Variants in ADGRB3 observed in about 807,000 individuals in gnomAD.
The protein encoded by ADGRB3 is adhesion G protein-coupled receptor B3.
Under a neutral mutation model 193.4 loss-of-function variants are expected in ADGRB3, and 37 were observed. The ratio of observed to expected loss-of-function variants is 0.19; its 90% CI spans 0.15 to 0.25. The LOEUF (loss-of-function observed/expected upper bound fraction) is 0.25. Ranked by LOEUF, ADGRB3 falls within the 10% of genes least tolerant of loss-of-function variation. ADGRB3 has a pLI of 1.00. For missense variants in ADGRB3, 1,637 were observed against 1,852.9 expected (o/e 0.88, Z 2.14); for synonymous variants, 690 against 644.2 (o/e 1.07, Z -1.08).
chr6:69,129,498 C>A (rs559847007), intron 17 of ADGRB3, among the ~76,000 whole-genome samples: 1 of 152,080 alleles, frequency 6.6e-6, no homozygotes, highest in East Asian at 1.9e-4. Context: ...AACATAAGAA[C>A]ATTGGAAGAA....
At position 68,763,865 on chromosome 6, in the gene ADGRB3, G is replaced by A. The variant is rs556433819; in HGVS notation, c.757+124433G>A. Among the ~76,000 whole-genome samples, 6 of 152,268 alleles carry A rather than the reference G, an allele frequency of 3.9e-5. No homozygotes were observed. The South Asian group carries it at 1.2e-3, about 32-fold the overall frequency. On this transcript the variant is annotated intron_variant, in intron 3 of 31. Transcript: ENST00000370598. ...AGGCAGGCTGATTGCTTGAGCCCAG[G>A]AGCTCAAGGCCAGCCTGGGCAACAT...
chr6:68,812,266 T>C (rs761046612), intron 3 of ADGRB3, among the ~76,000 whole-genome samples: 10 of 152,162 alleles, frequency 6.6e-5, no homozygotes, highest in Admixed American at 2.0e-4. Flanking sequence ...CTGTAGGTGG[T>C]AGAGAGGTGA....
intron 20 of ADGRB3, among the ~76,000 whole-genome samples, chr6:69,256,186 G>T (rs1766765670): frequency 6.6e-6 from 1 of 151,280 alleles, no homozygotes; most frequent in Non-Finnish European, 1.5e-5. Context: ...GGCGATGCGG[G>T]CTCTTTTTTG....
chr6:69,343,141 AT>A (rs66623862), intron 26 of ADGRB3, among the ~76,000 whole-genome samples: 83,404 of 147,058 alleles, frequency 0.57, 24,162 homozygotes, highest in Middle Eastern at 0.71. Context: ...AATTTATTTT[AT>A]TTTTTTTATT....
At chr6:68,761,032 A>G (rs1766385820) in intron 3 of ADGRB3, among the ~76,000 whole-genome samples, 1 of 152,178 alleles carries the variant, frequency 6.6e-6, no homozygotes, top group Non-Finnish European at 1.5e-5. Context: ...ATGCTGGAAA[A>G]ATTAAGTTGA....
intron 15 of ADGRB3, among the ~76,000 whole-genome samples, chr6:69,060,432 C>T (rs1771715128): frequency 6.6e-6 from 1 of 151,998 alleles, no homozygotes; most frequent in Non-Finnish European, 1.5e-5. Context: ...CCAAAGTCTC[C>T]ACATTCCCAA....
intron 6 of ADGRB3, among the ~76,000 whole-genome samples, chr6:68,944,389 A>T (rs565653024): frequency 6.6e-6 from 1 of 152,210 alleles, no homozygotes; most frequent in African/African-American, 2.4e-5. Flanking sequence ...TCTTACACTT[A>T]TTCAATTAGG....
At chr6:69,314,638 C>A (rs1300408941) in intron 20 of ADGRB3, among the ~76,000 whole-genome samples, 1 of 151,524 alleles carries the variant, frequency 6.6e-6, no homozygotes, top group Non-Finnish European at 1.5e-5. Context: ...TAAAATCCAT[C>A]ATATCTTTTC....
chr6:69,141,211 C>T (rs1482546485), intron 17 of ADGRB3, among the ~76,000 whole-genome samples: 3 of 151,744 alleles, frequency 2.0e-5, no homozygotes, highest in Non-Finnish European at 4.4e-5. Flanking sequence ...GCAAGCTCCG[C>T]CTCCTGGGTT....
intron 3 of ADGRB3, among the ~76,000 whole-genome samples, chr6:68,648,270 A>G (rs558850584): frequency 5.3e-5 from 8 of 152,252 alleles, no homozygotes; most frequent in Non-Finnish European, 8.8e-5. Context: ...GCTGATGTGC[A>G]TTTTTCCTAT....
At chr6:68,998,690 A>T (rs1008061034) in intron 11 of ADGRB3, among the ~76,000 whole-genome samples, 1 of 152,240 alleles carries the variant, frequency 6.6e-6, no homozygotes, top group Non-Finnish European at 1.5e-5. Context: ...GCCAAAACTG[A>T]AATAGATCAG....
At chr6:68,822,740 T>C (rs903197534) in intron 3 of ADGRB3, among the ~76,000 whole-genome samples, 1 of 152,010 alleles carries the variant, frequency 6.6e-6, no homozygotes, top group African/African-American at 2.4e-5. Context: ...AACTCTGTAG[T>C]GATCTTAAGA....
intron 3 of ADGRB3, among the ~76,000 whole-genome samples, chr6:68,681,666 A>C (rs1764899180): frequency 6.6e-6 from 1 of 152,186 alleles, no homozygotes; most frequent in Non-Finnish European, 1.5e-5. Context: ...GGATTAGATA[A>C]CTAGACTAGA....
intron 16 of ADGRB3, among the ~76,000 whole-genome samples, chr6:69,070,898 T>C (rs1772060162): frequency 6.6e-6 from 1 of 152,238 alleles, no homozygotes; most frequent in African/African-American, 2.4e-5. Context: ...TGTTATCTTT[T>C]CTGTAACCAA....
chr6:69,276,846 A>G (rs558180987), intron 20 of ADGRB3, among the ~76,000 whole-genome samples: 1 of 152,054 alleles, frequency 6.6e-6, no homozygotes, highest in Non-Finnish European at 1.5e-5. Flanking sequence ...TATGGTGTAG[A>G]TTGTGGTGAT....
rs1028775653 is a variant in ADGRB3, at chr6:69,131,936, T to C, written c.2480+55898T>C. Among the ~76,000 whole-genome samples, 3 of 152,134 alleles carry C rather than the reference T, an allele frequency of 2.0e-5. No homozygotes were observed. In the East Asian group the frequency reaches 5.8e-4, roughly 29 times the overall value. On this transcript the variant is annotated intron_variant, in intron 17 of 31. Coordinates refer to ENST00000370598, the MANE Select transcript of ADGRB3 (RefSeq NM_001704.3). Reference sequence around the variant, plus strand: ...ATGATGGTTTACAGTTTCATCCATGTCCCTGCAAAGGACATGAACTCATCC... The same window carrying C: ...ATGATGGTTTACAGTTTCATCCATGCCCCTGCAAAGGACATGAACTCATCC...
intron 20 of ADGRB3, among the ~76,000 whole-genome samples, chr6:69,255,546 G>A (rs1017506242): frequency 6.6e-6 from 1 of 152,116 alleles, no homozygotes; most frequent in Admixed American, 6.5e-5. Context: ...TTTTTGAGGG[G>A]TTGTTTGTTT....
chr6:69,230,569 A>G (rs899134901), intron 17 of ADGRB3, among the ~76,000 whole-genome samples: 1 of 152,250 alleles, frequency 6.6e-6, no homozygotes, highest in African/African-American at 2.4e-5. Flanking sequence ...GACTACACAT[A>G]CTATATAGTT....
At chr6:69,366,531 G>A (rs893945046) in intron 29 of ADGRB3, among the ~76,000 whole-genome samples, 1 of 152,080 alleles carries the variant, frequency 6.6e-6, no homozygotes, top group Non-Finnish European at 1.5e-5. Flanking sequence ...GTGGAGAAAT[G>A]CCTCTATGCA....
Sources: allele counts gnomAD v4.1 joint callset (sites outside exome capture counted in the v4.1 genomes callset), GRCh38; gene constraint gnomAD v4.1.1; transcripts MANE v1.5; gene names NCBI Gene and HGNC (gene_info 2026-07-23, HGNC 2026-07-21).